ESR2: variants seen among roughly 807,000 people sequenced by gnomAD.
ESR2 encodes estrogen receptor 2.
Under a neutral mutation model 49.6 loss-of-function variants are expected in ESR2, and 36 were observed. The observed-to-expected ratio is 0.73, with a 90% CI of 0.56 to 0.96. The LOEUF is 0.96. Ranked by LOEUF, ESR2 falls within the 40% of genes least tolerant of loss-of-function variation. The probability of loss-of-function intolerance (pLI) is 0.00; values close to 1 mark genes in which losing one functional copy is unlikely to be tolerated. For missense variants in ESR2, 714 were observed against 693.0 expected (o/e 1.03, Z -0.34); for synonymous variants, 320 against 266.1 (o/e 1.20, Z -1.97).
At chr14:64,256,435 T>G (rs1306237311) in intron 6 of ESR2, among the ~76,000 whole-genome samples, 1 of 152,178 alleles carries the variant, frequency 6.6e-6, no homozygotes, top group African/African-American at 2.4e-5. Context: ...TGCATTAGAA[T>G]GTGTTAAAGC....
chr14:64,228,228 C>G (rs984564858), downstream of ESR2, among the ~76,000 whole-genome samples: 2 of 152,232 alleles, frequency 1.3e-5, no homozygotes, highest in Non-Finnish European at 2.9e-5. Context: ...AAAGGACTCT[C>G]TAACCCCACA....
At chr14:64,289,841 G>A (rs747412049) in intron 1 of ESR2, among the ~76,000 whole-genome samples, 7 of 151,990 alleles carry the variant, frequency 4.6e-5, no homozygotes, top group Non-Finnish European at 1.0e-4. Context: ...AGGAGGATAA[G>A]TCTAGGAGGA....
chr14:64,282,608 T>G lies in ESR2; in HGVS notation c.362+16A>C, dbSNP rs773966025. 6.4e-7 allele frequency: 1 copy of G among 1,568,958 alleles called. No homozygotes were observed. Among genetic ancestry groups the G allele is most frequent in the Non-Finnish European group, 8.7e-7 (1 of 1,153,502 alleles). ...AATGGCTAGCAACTATAATTCAGAATGAAGACTGGACTTACCTGTTTACAG... is the reference window on the plus strand; with the variant it reads ...AATGGCTAGCAACTATAATTCAGAAGGAAGACTGGACTTACCTGTTTACAG... On this transcript the variant is annotated intron_variant, in intron 2 of 8. Coordinates refer to ENST00000341099, the MANE Select transcript of ESR2 (RefSeq NM_001437.3).
intron 7 of ESR2, among the ~76,000 whole-genome samples, chr14:64,241,822 A>G (rs964825674): frequency 2.6e-5 from 4 of 152,318 alleles, no homozygotes; most frequent in East Asian, 1.9e-4. Flanking sequence ...GACTTTCTAC[A>G]TAGATTCTCA....
chr14:64,241,245 C>T (rs1047711935), intron 7 of ESR2, among the ~76,000 whole-genome samples: 1 of 149,868 alleles, frequency 6.7e-6, no homozygotes, highest in Admixed American at 6.6e-5. Flanking sequence ...ATATTTTCAA[C>T]TTAAGATGGG....
In ESR2 at chr14:64,233,004, T is replaced by C; in HGVS notation, c.*133A>G. ...AGAGTTGGGAAGGTGGAGGGAAGGATGGTACATGACCAAGCCTGCCATCAC... is the reference window on the plus strand; with the variant it reads ...AGAGTTGGGAAGGTGGAGGGAAGGACGGTACATGACCAAGCCTGCCATCAC... On this transcript the variant is annotated 3_prime_UTR_variant, in exon 9 of 9. Coordinates refer to ENST00000341099, the MANE Select transcript of ESR2 (RefSeq NM_001437.3). The C allele has an allele frequency of 7.0e-7, 1 of 1,423,092 alleles. No individual in the cohort carries two copies. The highest frequency in any genetic ancestry group is 2.5e-5 in the East Asian group (1 of 40,380). 88.2% of individuals were successfully genotyped at this position (1,423,092 alleles called of 1,614,324 possible).
At chr14:64,314,596 G>A (rs941067939) in intron 1 of ESR2, among the ~76,000 whole-genome samples, 2 of 151,634 alleles carry the variant, frequency 1.3e-5, no homozygotes, top group Admixed American at 6.6e-5. Context: ...TAATAAAATC[G>A]GCTGGGCACG....
chr14:64,282,971 G>C lies in ESR2; in HGVS notation c.15C>G (p.Asn5Lys). The C allele has an allele frequency of 6.2e-7, 1 of 1,612,404 alleles. No individual in the cohort carries two copies. The highest frequency in any genetic ancestry group is 8.5e-7 in the Non-Finnish European group (1 of 1,178,884). The change falls in exon 2 of 9, where the codon AAC (asparagine) becomes AAG (lysine). Residue 5 changes from asparagine to lysine, a missense_variant. Asn to Lys is a moderately conservative substitution (Grantham distance 94). Transcript: ENST00000341099. ...AAGGAGAATTAAGGCTAGATGGTGA[G>C]TTTTTTATATCCATGTCTTGAGATA... MDIK[N>K]SPSSLNSPSS...
At chr14:64,294,771 C>G (rs916343326), upstream of ESR2, among the ~76,000 whole-genome samples, 1 of 152,334 alleles carries the variant, frequency 6.6e-6, no homozygotes, top group East Asian at 1.9e-4. Flanking sequence ...ACCAGAGAGG[C>G]TTTGGGTTTG....
At chr14:64,235,331 G>C (rs183161659) in intron 7 of ESR2, among the ~76,000 whole-genome samples, 181 bp from the exon 8 acceptor site, 4 of 152,212 alleles carry the variant, frequency 2.6e-5, no homozygotes, top group African/African-American at 7.2e-5. Flanking sequence ...AGCCAGCCCC[G>C]TCACAGAGCT....
rs1567785142 is a variant in ESR2, at chr14:64,294,160, C to T, written c.-218G>A. 2 of 152,330 alleles carry T rather than the reference C, an allele frequency of 1.3e-5. No individual in the cohort carries two copies. The allele number at this position is 152,330 out of a possible 1,614,324, so 9.4% of individuals were successfully genotyped here. A position where few individuals can be genotyped will look rare whatever the true frequency, so the allele number is the denominator to read the frequency against. ...AGGAAAGCGAGCGCACCTCCTGCAG[C>T]TCAGGCTCCGGGCGCCAGCCCTGCC... On this transcript the variant is annotated 5_prime_UTR_variant, in exon 1 of 9. Coordinates refer to ENST00000341099, the MANE Select transcript of ESR2 (RefSeq NM_001437.3).
chr14:64,239,192 A>G (rs1159652898), intron 7 of ESR2, among the ~76,000 whole-genome samples: 1 of 152,120 alleles, frequency 6.6e-6, no homozygotes, highest in African/African-American at 2.4e-5. Context: ...ATGGGACTCA[A>G]AAGGTGCCAT....
At chr14:64,309,607 C>CAAAAAAAAAAAAAAAAAAAAAAAA (rs545143689) in intron 1 of ESR2, among the ~76,000 whole-genome samples, 1 of 125,890 alleles carries the variant, frequency 7.9e-6, no homozygotes, top group African/African-American at 3.5e-5. Flanking sequence ...AACTCCATCT[C>CAAAAAAAAAAAAAAAAAAAAAAAA]AAAAAAAAAA....
chr14:64,237,373 T>C (rs1204649059), intron 7 of ESR2, among the ~76,000 whole-genome samples: 1 of 152,216 alleles, frequency 6.6e-6, no homozygotes, highest in African/African-American at 2.4e-5. Context: ...GAAAATTATT[T>C]CAAGCTTACT....
exon 1 of ESR2, chr14:64,337,914 G>A (rs2077551689): frequency 6.6e-6 from 1 of 152,274 alleles, no homozygotes; most frequent in East Asian, 1.9e-4. Flanking sequence ...AACCATATTG[G>A]GATGACTGTA....
chr14:64,256,086 G>T (rs1022132095), intron 6 of ESR2, among the ~76,000 whole-genome samples: 9 of 152,178 alleles, frequency 5.9e-5, no homozygotes, highest in African/African-American at 2.2e-4. Flanking sequence ...ATCCTCCCAC[G>T]CTATGCAGAG....
chr14:64,279,152 C>T (rs1036078791), intron 3 of ESR2, among the ~76,000 whole-genome samples: 1 of 152,116 alleles, frequency 6.6e-6, no homozygotes, highest in Non-Finnish European at 1.5e-5. Context: ...ACTTGGAAGC[C>T]CCTGCTTTCA....
upstream of ESR2, chr14:64,297,859 T>C (rs2140859856): frequency 6.6e-6 from 1 of 152,272 alleles, no homozygotes; most frequent in East Asian, 1.9e-4. Context: ...AGTAGGAGGA[T>C]TTGGGTTCTG....
chr14:64,302,187 TATTTA>T (rs1378973427), intron 1 of ESR2, among the ~76,000 whole-genome samples: 1,996 of 149,998 alleles, frequency 0.013, 58 homozygotes, highest in East Asian at 0.075. Context: ...TTTATTTATT[TATTTA>T]TTTATTTATT....
Sources: gnomAD v4.1 joint callset for allele counts (sites outside exome capture counted in the v4.1 genomes callset) on GRCh38, gnomAD v4.1.1 for gene constraint, MANE v1.5 for transcripts, NCBI Gene and HGNC (gene_info 2026-07-23, HGNC 2026-07-21) for gene names.